The following DPY19L4 variants were observed in gnomAD, a reference collection of about 807,000 sequenced individuals.
DPY19L4 encodes dpy-19 like 4.
A neutral mutation model predicts 102.8 loss-of-function variants in DPY19L4; 97 were observed. The observed-to-expected ratio is 0.94, with a 90% CI of 0.80 to 1.12. The LOEUF is 1.12. Among genes scored for constraint, DPY19L4 ranks in the 50% most tolerant of loss-of-function variants. The pLI, the probability that DPY19L4 is intolerant of heterozygous loss-of-function variation, is 0.00. For synonymous variants in DPY19L4, 252 were observed against 283.1 expected, an observed-to-expected ratio of 0.89 and a Z score of 1.10; for missense variants, 815 against 850.4, an observed-to-expected ratio of 0.96 and a Z score of 0.52.
intron 6 of DPY19L4, among the ~76,000 whole-genome samples, chr8:94,750,557 G>T (rs545448242): frequency 2.0e-5 from 3 of 151,678 alleles, no homozygotes; most frequent in African/African-American, 7.3e-5. Context: ...ATATATATGT[G>T]TATCTGTGTG....
intron 6 of DPY19L4, among the ~76,000 whole-genome samples, chr8:94,742,668 C>T (rs926773325): frequency 6.6e-6 from 1 of 151,134 alleles, no homozygotes; most frequent in Admixed American, 6.6e-5. Flanking sequence ...AAGCAATTTT[C>T]TTGCCTCAGC....
chr8:94,759,708 G>T (rs1297832798), intron 7 of DPY19L4, among the ~76,000 whole-genome samples: 1 of 151,374 alleles, frequency 6.6e-6, no homozygotes, highest in Non-Finnish European at 1.5e-5. Flanking sequence ...GTTTCTCCAT[G>T]GTCAGGCTGG....
chr8:94,722,681 T>G (rs1385246753), intron 1 of DPY19L4, among the ~76,000 whole-genome samples: 1 of 152,222 alleles, frequency 6.6e-6, no homozygotes, highest in African/African-American at 2.4e-5. Flanking sequence ...GTGCCAGGCA[T>G]TCTGAGTGTT....
intron 8 of DPY19L4, among the ~76,000 whole-genome samples, chr8:94,763,886 C>T (rs1812512455): frequency 6.6e-6 from 1 of 152,160 alleles, no homozygotes; most frequent in Admixed American, 6.5e-5. Flanking sequence ...CCAGGCCAGG[C>T]TGGTCTAAAA....
In DPY19L4 at chr8:94,738,349, A is replaced by G; in HGVS notation, c.253-20A>G. 7.1e-7 allele frequency: 1 copy of G among 1,414,520 alleles called. No homozygotes were observed. The highest frequency in any genetic ancestry group is 9.3e-7 in the Non-Finnish European group (1 of 1,070,864). The allele number at this position is 1,414,520 out of a possible 1,614,324, so 87.6% of individuals were successfully genotyped here. A position where few individuals can be genotyped will look rare whatever the true frequency, so the allele number is the denominator to read the frequency against. On this transcript the variant is annotated intron_variant, in intron 3 of 18. Transcript: ENST00000414645. ...AAAAAAAAAAATTAAATTTTAAATA[A>G]TAATTTCATTTTCTTTTAGGAGCTT...
intron 7 of DPY19L4, among the ~76,000 whole-genome samples, chr8:94,759,470 G>A (rs1812308118): frequency 6.6e-6 from 1 of 150,578 alleles, no homozygotes; most frequent in Non-Finnish European, 1.5e-5. Context: ...GAGATTACTG[G>A]TGTGAGCCAC....
At chr8:94,720,902 C>A (rs1405201862) in intron 1 of DPY19L4, among the ~76,000 whole-genome samples, 1 of 151,392 alleles carries the variant, frequency 6.6e-6, no homozygotes, top group African/African-American at 2.4e-5. Flanking sequence ...ATGAGTGGAG[C>A]TGTGGATGTG....
At chr8:94,754,816 T>C (rs758099067) in intron 6 of DPY19L4, among the ~76,000 whole-genome samples, 56 of 152,164 alleles carry the variant, frequency 3.7e-4, no homozygotes, top group Non-Finnish European at 5.9e-4. Context: ...TGAAATAGAG[T>C]CTTGCTGTGT....
chr8:94,734,841 A>G (rs1811128858), intron 3 of DPY19L4, 87 bp downstream of exon 3: 1 of 1,554,594 alleles, frequency 6.4e-7, no homozygotes, highest in Admixed American at 2.0e-5. Flanking sequence ...GTGCTGTCTT[A>G]TTTATGGCTA....
chr8:94,787,498 A>G (rs1003389823), intron 17 of DPY19L4, among the ~76,000 whole-genome samples: 2 of 152,192 alleles, frequency 1.3e-5, no homozygotes, highest in African/African-American at 4.8e-5. Flanking sequence ...TATTCATTCT[A>G]GATTTCAAAT....
At chr8:94,744,335 C>T (rs1025960026) in intron 6 of DPY19L4, 2 of 456,416 alleles carry the variant, frequency 4.4e-6, no homozygotes, top group African/African-American at 4.0e-5. Flanking sequence ...ATATGGGCCT[C>T]TCCATAGGGC....
At position 94,777,860 on chromosome 8, in the gene DPY19L4, A is replaced by G. The variant is rs749844378; in HGVS notation, c.1575+74A>G. The G allele has an allele frequency of 3.4e-6, 5 of 1,475,948 alleles. No homozygotes were observed. The South Asian group carries it at 5.3e-5, about 16-fold the overall frequency. 91.4% of individuals were successfully genotyped at this position (1,475,948 alleles called of 1,614,324 possible). ...TGCTAATAAATGGAAACTACATTGA[A>G]TACAATTGAAATAGCATGAGTAAAT... On this transcript the variant is annotated intron_variant, in intron 14 of 18. Coordinates refer to ENST00000414645, the MANE Select transcript of DPY19L4 (RefSeq NM_181787.3).
intron 6 of DPY19L4, chr8:94,744,849 A>G (rs886113382): frequency 1.1e-5 from 3 of 275,856 alleles, no homozygotes; most frequent in African/African-American, 2.2e-5. Flanking sequence ...GACCTGGTAT[A>G]TTCTACTCAA....
intron 6 of DPY19L4, among the ~76,000 whole-genome samples, chr8:94,753,236 A>C (rs995132008): frequency 6.6e-6 from 1 of 152,150 alleles, no homozygotes; most frequent in African/African-American, 2.4e-5. Context: ...AATATTTTTC[A>C]AAAAAGAATA....
chr8:94,789,652 T>G, intron 18 of DPY19L4, 94 bp from the exon 19 acceptor site: 2 of 1,148,764 alleles, frequency 1.7e-6, no homozygotes, highest in South Asian at 3.7e-5. Context: ...CAATAATGTG[T>G]TTTTTCATAT....
chr8:94,768,171 AG>A (rs1414626333), intron 11 of DPY19L4, among the ~76,000 whole-genome samples: 9 of 152,220 alleles, frequency 5.9e-5, no homozygotes, highest in Non-Finnish European at 8.8e-5. Flanking sequence ...GGTAATAAAA[AG>A]CAGCAGTTTT....
chr8:94,735,802 T>A (rs1482495092), intron 3 of DPY19L4, among the ~76,000 whole-genome samples: 1 of 152,122 alleles, frequency 6.6e-6, no homozygotes, highest in African/African-American at 2.4e-5. Flanking sequence ...GAATCTACAG[T>A]TTAATAAGGT....
At position 94,738,468 on chromosome 8, in the gene DPY19L4, A is replaced by G; in HGVS notation, c.343+9A>G. 6.9e-7 allele frequency: 1 copy of G among 1,445,266 alleles called. No individual in the cohort carries two copies. Among genetic ancestry groups the G allele is most frequent in the Non-Finnish European group, 9.3e-7 (1 of 1,070,656 alleles). 89.5% of individuals were successfully genotyped at this position (1,445,266 alleles called of 1,614,324 possible). A position where few individuals can be genotyped will look rare whatever the true frequency, so the allele number is the denominator to read the frequency against. On this transcript the variant is annotated intron_variant, in intron 4 of 18. Coordinates refer to ENST00000414645, the MANE Select transcript of DPY19L4 (RefSeq NM_181787.3). The stretch of plus-strand genomic sequence containing the variant: ...ACCTTCATTTGAAAGAGGTATGATA[A>G]TCACAGTTATATTTTTAATAACAGT...
At chr8:94,728,151 G>A (rs989360936) in intron 2 of DPY19L4, among the ~76,000 whole-genome samples, 4 of 152,128 alleles carry the variant, frequency 2.6e-5, no homozygotes, top group African/African-American at 7.2e-5. Flanking sequence ...TAGTAGAAAC[G>A]GGGTTTCACC....
Sources: gnomAD v4.1 joint callset for allele counts (sites outside exome capture counted in the v4.1 genomes callset) on GRCh38, gnomAD v4.1.1 for gene constraint, MANE v1.5 for transcripts, NCBI Gene and HGNC (gene_info 2026-07-23, HGNC 2026-07-21) for gene names.